The following NEK10 variants were observed in gnomAD, a reference collection of about 807,000 sequenced individuals.
NEK10 encodes the protein serine/threonine-protein kinase Nek10.
A neutral mutation model predicts 159.8 loss-of-function variants in NEK10; 122 were observed. The observed-to-expected ratio is 0.76, with a 90% CI of 0.66 to 0.89. The LOEUF (loss-of-function observed/expected upper bound fraction) is 0.89. NEK10 is among the 40% of genes least tolerant of loss of function. The pLI is 0.00. For missense variants in NEK10, 1,342 were observed against 1,323.1 expected, an observed-to-expected ratio of 1.01 and a Z score of -0.22; for synonymous variants, 466 against 457.1, an observed-to-expected ratio of 1.02 and a Z score of -0.25.
chr3:27,190,066 T>C (rs1163019415), intron 26 of NEK10, among the ~76,000 whole-genome samples: 1 of 152,142 alleles, frequency 6.6e-6, no homozygotes, highest in Non-Finnish European at 1.5e-5. Context: ...CTCATTTATA[T>C]GACTGATGCT....
chr3:27,322,257 A>G lies in NEK10; in HGVS notation c.367T>C (p.Trp123Arg). ...TGAATAGATGGGGCTCGATTAACCC[A>G]CTCTCTGAAAGAAGAAAACAAGAGA... ...LVKNRLISRE[W>R]VNRAPSIHFL... The change falls in exon 6 of 36, where the codon TGG becomes CGG. Residue 123 changes from tryptophan (W) to arginine (R), a missense_variant. Transcript: ENST00000691995. 1 of 1,533,158 alleles carries G rather than the reference A, an allele frequency of 6.5e-7. No homozygotes were observed. The highest frequency in any genetic ancestry group is 1.4e-5 in the African/African-American group (1 of 72,944). The allele number at this position is 1,533,158 out of a possible 1,614,324, so 95.0% of individuals were successfully genotyped here. A position where few individuals can be genotyped will look rare whatever the true frequency, so the allele number is the denominator to read the frequency against.
chr3:27,199,174 C>T lies in NEK10; in HGVS notation c.2291+2336G>A, dbSNP rs185341311. Among the ~76,000 whole-genome samples the T allele has an allele frequency of 3.4e-4, 52 of 151,580 alleles. No homozygotes were observed. The Middle Eastern group carries it at 0.01, about 30-fold the overall frequency. On this transcript the variant is annotated intron_variant, in intron 25 of 35. Coordinates refer to ENST00000691995, the MANE Select transcript of NEK10 (RefSeq NM_001394966.1). ...GGATACTATCAACAGAGTAAACAGA[C>T]AATCTACAGAACAGAAGAAAATTTT...
chr3:27,200,929 C>G (rs1204526482), intron 25 of NEK10, among the ~76,000 whole-genome samples: 1 of 152,104 alleles, frequency 6.6e-6, no homozygotes, highest in African/African-American at 2.4e-5. Context: ...GCAGAGAAAA[C>G]AGAAGGGGAA....
chr3:27,346,301 G>A, intron 3 of NEK10, 85 bp from the exon 4 acceptor site: 1 of 1,422,048 alleles, frequency 7.0e-7, no homozygotes, highest in Non-Finnish European at 9.8e-7. Context: ...AGGATGAAGA[G>A]ACTGAGATTT....
At chr3:27,290,573 A>G (rs1434606183) in intron 19 of NEK10, 44 bp downstream of exon 19, 19 of 1,426,558 alleles carry the variant, frequency 1.3e-5, no homozygotes, top group Non-Finnish European at 1.5e-5. Context: ...TTGCAATGAC[A>G]TGTATTTAAG....
intron 22 of NEK10, among the ~76,000 whole-genome samples, chr3:27,273,478 A>G (rs1005473963): frequency 6.6e-6 from 1 of 152,178 alleles, no homozygotes; most frequent in African/African-American, 2.4e-5. Context: ...CTTTTTCACT[A>G]TCTTTAAAAG....
At chr3:27,320,410 G>T (rs537674) in intron 6 of NEK10, among the ~76,000 whole-genome samples, 62,693 of 152,136 alleles carry the variant, frequency 0.41, 17,312 homozygotes, top group African/African-American at 0.8. Context: ...CCTGGAAAAC[G>T]TTATTAATAT....
At chr3:27,162,407 A>G (rs763154328) in intron 30 of NEK10, 8 of 1,594,850 alleles carry the variant, frequency 5.0e-6, no homozygotes, top group Non-Finnish European at 6.0e-6. Context: ...CCCAACTATA[A>G]TTCTGCATTT....
At chr3:27,356,376 G>A (rs1319431066) in intron 1 of NEK10, among the ~76,000 whole-genome samples, 4 of 152,042 alleles carry the variant, frequency 2.6e-5, no homozygotes, top group Non-Finnish European at 5.9e-5. Context: ...GCCAAGTGTG[G>A]TGGTGTGTAC....
At chr3:27,213,137 A>G (rs1241112151) in intron 23 of NEK10, among the ~76,000 whole-genome samples, 5 of 151,828 alleles carry the variant, frequency 3.3e-5, no homozygotes. Context: ...TGCTCAACCC[A>G]CTCCCACCTG....
intron 22 of NEK10, among the ~76,000 whole-genome samples, chr3:27,258,057 A>T (rs1000056147): frequency 1.3e-5 from 2 of 151,828 alleles, no homozygotes; most frequent in Non-Finnish European, 2.9e-5. Context: ...CAGCCTCCCA[A>T]AGTGCTGGGA....
intron 23 of NEK10, among the ~76,000 whole-genome samples, chr3:27,241,652 T>C (rs1398656457): frequency 2.0e-5 from 3 of 152,230 alleles, no homozygotes; most frequent in Non-Finnish European, 4.4e-5. Flanking sequence ...TCACTTCCCC[T>C]ACTCTTTTAT....
chr3:27,253,709 A>G (rs1258699238), intron 23 of NEK10, among the ~76,000 whole-genome samples: 2 of 152,134 alleles, frequency 1.3e-5, no homozygotes, highest in African/African-American at 4.8e-5. Context: ...AACTCTGGGG[A>G]CCCTGCAGGG....
At chr3:27,286,545 CTTTTTTT>C (rs36101281) in intron 20 of NEK10, among the ~76,000 whole-genome samples, 2 of 65,046 alleles carry the variant, frequency 3.1e-5, no homozygotes, top group Middle Eastern at 0.015. Context: ...CCACGCCCAG[CTTTTTTT>C]TTTTTTTTTT....
intron 30 of NEK10, among the ~76,000 whole-genome samples, chr3:27,150,097 G>A (rs1365382406): frequency 2.0e-5 from 3 of 152,244 alleles, no homozygotes; most frequent in African/African-American, 7.2e-5. Flanking sequence ...AGGTGAGAGA[G>A]CTGCAGAAGG....
At chr3:27,254,566 AGACGGTTTGT>A (rs1238554323) in intron 23 of NEK10, among the ~76,000 whole-genome samples, 1 of 152,230 alleles carries the variant, frequency 6.6e-6, no homozygotes, top group Admixed American at 6.5e-5. Flanking sequence ...CTAGCAAGAA[AGACGGTTTGT>A]GAGCCCAAAT....
At chr3:27,206,829 C>T (rs1950584298) in intron 23 of NEK10, among the ~76,000 whole-genome samples, 1 of 152,094 alleles carries the variant, frequency 6.6e-6, no homozygotes. Context: ...CTGAGGTGTA[C>T]AAAACAACCC....
intron 3 of NEK10, among the ~76,000 whole-genome samples, chr3:27,350,761 A>C (rs2047912674): frequency 6.6e-6 from 1 of 152,154 alleles, no homozygotes. Flanking sequence ...GTTATCAAGC[A>C]AGCGGTGTTG....
intron 6 of NEK10, 75 bp from the exon 7 acceptor site, chr3:27,314,413 T>C (rs2044983787): frequency 2.3e-6 from 2 of 852,062 alleles, no homozygotes; most frequent in South Asian, 1.4e-5. Context: ...ATGCAATTTC[T>C]TTACTAAGTT....
Sources: gnomAD v4.1 joint callset for allele counts (sites outside exome capture counted in the v4.1 genomes callset) on GRCh38, gnomAD v4.1.1 for gene constraint, MANE v1.5 for transcripts, NCBI Gene and HGNC (gene_info 2026-07-23, HGNC 2026-07-21) for gene names.